MN1: variants seen among roughly 807,000 people sequenced by gnomAD.
MN1 encodes MN1 proto-oncogene, transcriptional regulator.
A neutral mutation model predicts 86.9 loss-of-function variants in MN1; 19 were observed. That is an observed-to-expected ratio of 0.22 (90% confidence interval 0.15 to 0.32). MN1 has a LOEUF of 0.32. Among genes scored for constraint, MN1 ranks in the 10% least tolerant of loss-of-function variants. The pLI is 1.00. For missense variants in MN1, 1,841 were observed against 1,862.0 expected (o/e 0.99, Z 0.21); for synonymous variants, 928 against 849.6 (o/e 1.09, Z -1.60).
intron 1 of MN1, among the ~76,000 whole-genome samples, chr22:27,756,331 G>A (rs1007382683): frequency 1.9e-4 from 29 of 152,224 alleles, no homozygotes; most frequent in Admixed American, 1.4e-3. Context: ...ACTAAAATCC[G>A]CGGACCAGGT....
intron 1 of MN1, 121 bp from the exon 2 acceptor site, chr22:27,751,217 C>T (rs1227978242): frequency 2.9e-6 from 2 of 689,362 alleles, no homozygotes; most frequent in Non-Finnish European, 4.4e-6. Context: ...CTTTCCATGG[C>T]TAAAGCTGGT....
Position 27,799,689 on chromosome 22 carries a change from C to A in MN1, c.855G>T (p.Leu285Phe). 1 of 1,556,884 alleles carries A rather than the reference C, an allele frequency of 6.4e-7. No individual in the cohort carries two copies. Among genetic ancestry groups the A allele is most frequent in the South Asian group, 1.2e-5 (1 of 84,596 alleles). The stretch of plus-strand genomic sequence containing the variant: ...GCGGTGGCTGGGCGTGCATTTTGGA[C>A]AAGCCCACCATGCCCGCAGCTCTGG... Reference protein sequence around the residue: ...AMPRAAGMVGLSKMHAQPPQQ... With the variant: ...AMPRAAGMVGFSKMHAQPPQQ... The change falls in exon 1 of 2, where the codon TTG becomes TTT. Residue 285 changes from leucine to phenylalanine, a missense_variant. By Grantham distance (22) the Leu-to-Phe change is conservative (BLOSUM62 0). Transcript: ENST00000302326.
rs753939819 is a variant in MN1 at position 27,796,988 on chromosome 22, C to T, written c.3556G>A (p.Ala1186Thr). The T allele has an allele frequency of 1.4e-5, 22 of 1,612,326 alleles. No homozygotes were observed. The highest frequency in any genetic ancestry group is 6.7e-5 in the Admixed American group (4 of 59,908). The stretch of plus-strand genomic sequence containing the variant: ...TTCTGCGCCCCTGAGGCCCCGACGG[C>T]GCACTCACCCTTCTTGCCACCCTTC... ...GLKGGKKGEC[A>T]VGASGAQNGD... Residue 1186 changes from alanine (A) to threonine (T), a missense_variant, in exon 1 of 2, where the codon GCC becomes ACC. Physicochemically the swap from Ala to Thr is moderately conservative, Grantham distance 58 (BLOSUM62 0). Coordinates refer to ENST00000302326, the MANE Select transcript of MN1 (RefSeq NM_002430.3).
In MN1 at chr22:27,753,062, CCA is replaced by C. The variant is rs1441699426; in HGVS notation, c.3782-1968_3782-1967del. 2.0e-5 allele frequency among the ~76,000 whole-genome samples: 3 copies of C among 152,334 alleles called. No homozygotes were observed. In the East Asian group the frequency reaches 5.8e-4, roughly 29 times the overall value. Reference sequence around the variant, plus strand: ...CCATGACTAACTGGGCTTGGGGCCCCCACCCTGGAGCCCCAGAGACACTCAGC... The same window carrying C: ...CCATGACTAACTGGGCTTGGGGCCCCCCCTGGAGCCCCAGAGACACTCAGC... On this transcript the variant is annotated intron_variant, in intron 1 of 1. Transcript: ENST00000302326.
chr22:27,777,790 C>T (rs968782099), intron 1 of MN1, among the ~76,000 whole-genome samples: 2 of 151,666 alleles, frequency 1.3e-5, no homozygotes, highest in Non-Finnish European at 2.9e-5. Context: ...GCAAGAGAAC[C>T]GCTTGAACCC....
chr22:27,799,488 G>A lies in MN1; in HGVS notation c.1056C>T (p.Pro352=), dbSNP rs973193108. Residue 352 remains proline (P), a synonymous_variant, in exon 1 of 2, where the codon CCC becomes CCT. Transcript: ENST00000302326. ...GCTGCTGCTGTGGCGGCTGCTGCGG[G>A]GGCTGCTGCTGAGGGGGTGGCGGGG... ...QQAPPPPQQQ[P]PQQPPQQQPP... is the part of the protein sequence containing the mutation. The A allele has an allele frequency of 2.1e-6, 3 of 1,453,904 alleles. No homozygotes were observed. Among genetic ancestry groups the A allele is most frequent in the Non-Finnish European group, 9.1e-7 (1 of 1,104,374 alleles). 90.1% of individuals were successfully genotyped at this position (1,453,904 alleles called of 1,614,324 possible). A position where few individuals can be genotyped will look rare whatever the true frequency, so the allele number is the denominator to read the frequency against.
rs1933333176 is a variant in MN1, at chr22:27,797,955, G to A, written c.2589C>T (p.Asn863=). The part of the protein sequence containing the change: ...PPEGKRKLSQ[N]ETDGAAVAGN... The stretch of plus-strand genomic sequence containing the variant: ...CGGCCACTGCCGCGCCGTCGGTCTC[G>A]TTCTGGCTCAGTTTCCTCTTGCCCT... The change falls in exon 1 of 2, where the codon AAC becomes AAT. Residue 863 remains asparagine (N), a synonymous_variant. Transcript: ENST00000302326. 2 of 1,594,986 alleles carry A rather than the reference G, an allele frequency of 1.3e-6. No homozygotes were observed. The highest frequency in any genetic ancestry group is 1.1e-5 in the South Asian group (1 of 88,704).
chr22:27,762,204 G>C (rs1385331108), intron 1 of MN1, among the ~76,000 whole-genome samples: 1 of 152,226 alleles, frequency 6.6e-6, no homozygotes, highest in African/African-American at 2.4e-5. Context: ...GGCCCCGGGG[G>C]GCTGAGGGCC....
rs576242435 is a variant in MN1 at position 27,796,854 on chromosome 22, G to T, written c.3690C>A (p.Pro1230=). The T allele has an allele frequency of 6.2e-7, 1 of 1,612,870 alleles. No homozygotes were observed. Among genetic ancestry groups the T allele is most frequent in the Non-Finnish European group, 8.5e-7 (1 of 1,180,020 alleles). ...CGCTGTCCACCAGGGCCTTGTCAGC[G>T]GGCATGTACCAGGCAGCGCTGTGCT... ...MAEHSAAWYM[P]ADKALVDSAD... Residue 1230 remains proline (P), a synonymous_variant, in exon 1 of 2, where the codon CCC becomes CCA. Coordinates refer to ENST00000302326, the MANE Select transcript of MN1 (RefSeq NM_002430.3).
intron 1 of MN1, among the ~76,000 whole-genome samples, 164 bp downstream of exon 1, chr22:27,796,599 C>T (rs1366639647): frequency 2.0e-5 from 3 of 152,048 alleles, no homozygotes; most frequent in African/African-American, 7.3e-5. Flanking sequence ...TCTGTCCTCA[C>T]AGCCCTTGGT....
chr22:27,764,243 CAT>C (rs1396754757), intron 1 of MN1, among the ~76,000 whole-genome samples: 1 of 152,222 alleles, frequency 6.6e-6, no homozygotes, highest in Non-Finnish European at 1.5e-5. Flanking sequence ...GACTTAGAAA[CAT>C]AGCCCCTTAT....
chr22:27,757,866 G>C (rs963720823), intron 1 of MN1, among the ~76,000 whole-genome samples: 14 of 151,964 alleles, frequency 9.2e-5, no homozygotes. Context: ...TTGCATCCAA[G>C]CAAGCCCCGG....
chr22:27,789,742 C>G (rs1395613979), intron 1 of MN1, among the ~76,000 whole-genome samples: 1 of 152,198 alleles, frequency 6.6e-6, no homozygotes, highest in Admixed American at 6.5e-5. Flanking sequence ...GATTCAGTTG[C>G]CTTATGTTTA....
At chr22:27,767,843 A>G (rs1307009881) in intron 1 of MN1, among the ~76,000 whole-genome samples, 2 of 152,060 alleles carry the variant, frequency 1.3e-5, no homozygotes, top group African/African-American at 4.8e-5. Flanking sequence ...TTGGAGGGTA[A>G]TTTTTTCCCA....
intron 1 of MN1, among the ~76,000 whole-genome samples, chr22:27,752,046 T>A (rs1932769781): frequency 6.6e-6 from 1 of 152,136 alleles, no homozygotes; most frequent in Non-Finnish European, 1.5e-5. Context: ...GCTCTGGCCT[T>A]AGCTTGCTCA....
intron 1 of MN1, among the ~76,000 whole-genome samples, chr22:27,759,555 G>C (rs981613981): frequency 6.6e-6 from 1 of 151,702 alleles, no homozygotes; most frequent in Non-Finnish European, 1.5e-5. Context: ...ACCATGGTCT[G>C]AATCTCAACT....
At chr22:27,784,959 TC>T (rs1933103261) in intron 1 of MN1, among the ~76,000 whole-genome samples, 1 of 151,536 alleles carries the variant, frequency 6.6e-6, no homozygotes, top group Admixed American at 6.6e-5. Flanking sequence ...ATGGTATGAG[TC>T]CCTTTAGCCA....
chr22:27,797,518 G>C lies in MN1; in HGVS notation c.3026C>G (p.Ser1009Cys). ...TPHEKALTSP[S>C]WGKGAELLLG... ...GAGCAACTCAGCCCCCTTCCCCCAG[G>C]ATGGCGACGTGAGCGCCTTTTCGTG... The change falls in exon 1 of 2, where the codon TCC becomes TGC. Residue 1009 changes from serine (S) to cysteine (C), a missense_variant. By Grantham distance (112) the Ser-to-Cys change is moderately radical (BLOSUM62 -1). Transcript: ENST00000302326. The C allele has an allele frequency of 1.9e-6, 3 of 1,607,664 alleles. No homozygotes were observed. In the South Asian group the frequency reaches 3.3e-5, roughly 18 times the overall value.
At chr22:27,769,745 G>A (rs186883894) in intron 1 of MN1, among the ~76,000 whole-genome samples, 2 of 151,150 alleles carry the variant, frequency 1.3e-5, no homozygotes, top group East Asian at 2.0e-4. Context: ...TAGTAGAGAC[G>A]GGGTTTCACC....
Sources: allele counts gnomAD v4.1 joint callset (sites outside exome capture counted in the v4.1 genomes callset), GRCh38; gene constraint gnomAD v4.1.1; transcripts MANE v1.5; gene names NCBI Gene and HGNC (gene_info 2026-07-23, HGNC 2026-07-21).